PRMT8: variants seen among roughly 807,000 people sequenced by gnomAD.
PRMT8 encodes protein arginine methyltransferase 8.
Under a neutral mutation model 47.1 loss-of-function variants are expected in PRMT8, and 7 were observed. The ratio of observed to expected loss-of-function variants is 0.15; its 90% CI spans 0.08 to 0.28. The LOEUF (loss-of-function observed/expected upper bound fraction) is 0.28. Among genes scored for constraint, PRMT8 ranks in the 10% least tolerant of loss-of-function variants. PRMT8 has a pLI of 1.00. For synonymous variants in PRMT8, 188 were observed against 186.5 expected (o/e 1.01, Z -0.07); for missense variants, 237 against 505.4 (o/e 0.47, Z 5.09).
At chr12:3,405,134 A>G (rs1864359727) in intron 1 of PRMT8, among the ~76,000 whole-genome samples, 1 of 152,188 alleles carries the variant, frequency 6.6e-6, no homozygotes, top group African/African-American at 2.4e-5. Flanking sequence ...GGAAGCTTAC[A>G]ATCATGGCAG....
At chr12:3,483,351 G>A (rs1011893000) in intron 1 of PRMT8, among the ~76,000 whole-genome samples, 1 of 152,174 alleles carries the variant, frequency 6.6e-6, no homozygotes, top group African/African-American at 2.4e-5. Context: ...CTCTGTAAAT[G>A]ACAGCTGTGT....
Position 3,533,080 on chromosome 12 carries a change from C to T in PRMT8, c.76-7526C>T, listed in dbSNP as rs141686202. On this transcript the variant is annotated intron_variant, in intron 1 of 9. Transcript: ENST00000382622. Reference sequence around the variant, plus strand: ...AGAAAACCCTATGTAGGGATGGGCTCTGCCAAGATCCCAGAGTTAGAGTCA... The same window carrying T: ...AGAAAACCCTATGTAGGGATGGGCTTTGCCAAGATCCCAGAGTTAGAGTCA... Among the ~76,000 whole-genome samples, 191 of 152,294 alleles carry T rather than the reference C, an allele frequency of 1.3e-3. 1 individual carries two copies. The highest frequency in any genetic ancestry group is 3.3e-3 in the Admixed American group (50 of 15,298).
At chr12:3,437,883 G>A (rs151117209) in intron 1 of PRMT8, among the ~76,000 whole-genome samples, 10 of 152,140 alleles carry the variant, frequency 6.6e-5, no homozygotes, top group Admixed American at 6.5e-4. Context: ...CTAACGCAGG[G>A]CCTGACACAC....
intron 1 of PRMT8, among the ~76,000 whole-genome samples, chr12:3,383,481 G>A (rs1026825110): frequency 6.6e-5 from 10 of 152,242 alleles, no homozygotes; most frequent in African/African-American, 1.4e-4. Flanking sequence ...CCAGTGTGGT[G>A]GTATTAAGAG....
chr12:3,491,566 C>G lies in PRMT8; in HGVS notation c.-60C>G. ...CATCCTCTCGCTCTCTCTTTTAAAG[C>G]GACACCAGCTCTCTCTCCTCCTCTA... On this transcript the variant is annotated 5_prime_UTR_variant, in exon 1 of 10. Transcript: ENST00000382622. 1 of 1,553,738 alleles carries G rather than the reference C, an allele frequency of 6.4e-7. No individual in the cohort carries two copies. The highest frequency in any genetic ancestry group is 8.7e-7 in the Non-Finnish European group (1 of 1,152,246).
chr12:3,548,480 A>C (rs1252690270), intron 2 of PRMT8, among the ~76,000 whole-genome samples: 1 of 152,240 alleles, frequency 6.6e-6, no homozygotes, highest in Admixed American at 6.5e-5. Context: ...GCAATTCAGT[A>C]AGAACAAGAC....
At chr12:3,430,952 C>T (rs1027298498) in intron 1 of PRMT8, among the ~76,000 whole-genome samples, 52 of 152,302 alleles carry the variant, frequency 3.4e-4, no homozygotes, top group African/African-American at 1.1e-3. Flanking sequence ...GGAAGAGTTT[C>T]AAGCCAGAAG....
At chr12:3,489,497 C>A (rs543279406), upstream of PRMT8, among the ~76,000 whole-genome samples, 1 of 151,976 alleles carries the variant, frequency 6.6e-6, no homozygotes, top group Non-Finnish European at 1.5e-5. Flanking sequence ...GACCACAGAG[C>A]GGTGAGGATC....
intron 1 of PRMT8, among the ~76,000 whole-genome samples, chr12:3,468,017 C>T (rs1323618123): frequency 1.3e-5 from 2 of 152,202 alleles, no homozygotes; most frequent in Non-Finnish European, 2.9e-5. Flanking sequence ...TCTGCCAATC[C>T]TCCTGAATTA....
intron 1 of PRMT8, among the ~76,000 whole-genome samples, chr12:3,512,130 G>A (rs1256040928): frequency 6.6e-6 from 1 of 152,096 alleles, no homozygotes; most frequent in Non-Finnish European, 1.5e-5. Context: ...GACTCTCCTT[G>A]GTCTCATCTC....
chr12:3,477,566 T>TA (rs1327876205), intron 1 of PRMT8, among the ~76,000 whole-genome samples: 1 of 152,240 alleles, frequency 6.6e-6, no homozygotes, highest in Non-Finnish European at 1.5e-5. Context: ...TAGAGATTTT[T>TA]AAAAAGATAC....
chr12:3,553,298 CTTCCCGCG>C (rs780738960), intron 3 of PRMT8: 112 of 329,702 alleles, frequency 3.4e-4, no homozygotes, highest in Non-Finnish European at 5.6e-4. Flanking sequence ...TTGGATCTGC[CTTCCCGCG>C]TCCCCCACGG....
rs187507471 is a variant in PRMT8, at chr12:3,474,432, G to A, written c.49-66174G>A. On this transcript the variant is annotated intron_variant, in intron 1 of 9. Transcript: ENST00000452611. ...TCTCTGCTGCAGCCACCCAGCATGC[G>A]GGACCCATGGTTTCTGCTCCCAGCC... 1.1e-4 allele frequency among the ~76,000 whole-genome samples: 17 copies of A among 152,130 alleles called. No homozygotes were observed. In the East Asian group the frequency reaches 3.1e-3, roughly 28 times the overall value.
At chr12:3,455,188 G>T (rs534561643) in intron 1 of PRMT8, among the ~76,000 whole-genome samples, 1 of 152,220 alleles carries the variant, frequency 6.6e-6, no homozygotes, top group East Asian at 1.9e-4. Context: ...GTTACTGTGC[G>T]GTGGGCATAA....
chr12:3,543,026 A>G (rs909993215), intron 2 of PRMT8, among the ~76,000 whole-genome samples: 3 of 152,362 alleles, frequency 2.0e-5, no homozygotes, highest in African/African-American at 2.4e-5. Context: ...GGAAAAGTCA[A>G]GCTTGTGCAT....
At chr12:3,546,538 A>G (rs1866331256) in intron 2 of PRMT8, among the ~76,000 whole-genome samples, 2 of 152,254 alleles carry the variant, frequency 1.3e-5, no homozygotes, top group Admixed American at 1.3e-4. Context: ...CAATGGGAGA[A>G]TATTATGACA....
intron 1 of PRMT8, among the ~76,000 whole-genome samples, chr12:3,455,813 A>G (rs1864968289): frequency 6.6e-6 from 1 of 152,114 alleles, no homozygotes; most frequent in African/African-American, 2.4e-5. Context: ...TTCGAAGTGT[A>G]AGAACTTGAA....
At chr12:3,389,585 C>A (rs1430603569) in intron 1 of PRMT8, among the ~76,000 whole-genome samples, 1 of 152,206 alleles carries the variant, frequency 6.6e-6, no homozygotes, top group Non-Finnish European at 1.5e-5. Context: ...ACAGTGTCAG[C>A]CTTGAAGGAG....
At chr12:3,512,405 C>T (rs968081933) in intron 1 of PRMT8, among the ~76,000 whole-genome samples, 1 of 152,158 alleles carries the variant, frequency 6.6e-6, no homozygotes, top group African/African-American at 2.4e-5. Context: ...TTGTGTTTTG[C>T]AGGCACTTTA....
Sources: gnomAD v4.1 joint callset for allele counts (sites outside exome capture counted in the v4.1 genomes callset) on GRCh38, gnomAD v4.1.1 for gene constraint, MANE v1.5 for transcripts, NCBI Gene and HGNC (gene_info 2026-07-23, HGNC 2026-07-21) for gene names.